DAGLB: variants seen among roughly 807,000 people sequenced by gnomAD.
DAGLB encodes the protein diacylglycerol lipase beta.
DAGLB carries 66 observed loss-of-function variants against 72.1 expected under a neutral mutation model. That is an observed-to-expected ratio of 0.92 (90% CI 0.75 to 1.12). The LOEUF (loss-of-function observed/expected upper bound fraction) is 1.12. Ranked by LOEUF, DAGLB falls within the 50% of genes most tolerant of loss-of-function variation. The pLI, the probability that DAGLB is intolerant of heterozygous loss-of-function variation, is 0.00. For missense variants in DAGLB, 1,065 were observed against 884.9 expected (o/e 1.20, Z -2.58); for synonymous variants, 414 against 359.5 (o/e 1.15, Z -1.71).
At chr7:6,434,570 TG>T (rs1156591240) in intron 4 of DAGLB, among the ~76,000 whole-genome samples, 191 bp downstream of exon 4, 1 of 152,136 alleles carries the variant, frequency 6.6e-6, no homozygotes, top group Admixed American at 6.5e-5. Context: ...ACACAGGGTC[TG>T]AGAAGGTGTG....
chr7:6,414,795 G>A lies in DAGLB; in HGVS notation c.1428-1761C>T, dbSNP rs970530856. On this transcript the variant is annotated intron_variant, in intron 11 of 14. Transcript: ENST00000297056. ...AGGAACCAATATTCCTTGGAGAAACGGTTGATTCCAGATATGGACGATGGA... is the reference window on the plus strand; with the variant it reads ...AGGAACCAATATTCCTTGGAGAAACAGTTGATTCCAGATATGGACGATGGA... Among the ~76,000 whole-genome samples, 13 of 152,110 alleles carry A rather than the reference G, an allele frequency of 8.5e-5. 1 individual carries two copies. The East Asian group carries it at 2.1e-3, about 25-fold the overall frequency.
intron 8 of DAGLB, among the ~76,000 whole-genome samples, chr7:6,424,043 C>A (rs1263665168): frequency 1.3e-5 from 2 of 150,540 alleles, no homozygotes; most frequent in Non-Finnish European, 3.0e-5. Flanking sequence ...AGGGGGGCTA[C>A]CCCAGAGCCA....
chr7:6,432,010 G>GT (rs1784500875), intron 5 of DAGLB, among the ~76,000 whole-genome samples: 1 of 152,062 alleles, frequency 6.6e-6, no homozygotes, highest in Non-Finnish European at 1.5e-5. Context: ...GTTTACCGGT[G>GT]TAACAACCCT....
intron 9 of DAGLB, among the ~76,000 whole-genome samples, chr7:6,421,001 A>C (rs1440516447): frequency 6.6e-6 from 1 of 152,142 alleles, no homozygotes; most frequent in Admixed American, 6.5e-5. Flanking sequence ...ATGAGAATGT[A>C]CTACCTGAAT....
chr7:6,424,710 C>T lies in DAGLB; in HGVS notation c.1140+42G>A, dbSNP rs187256331. Reference sequence around the variant, plus strand: ...CCGAGCAGCTGTGGGCTCCCGCTCCCGCACCCACTCCCAGGGCTGGAAAGT... The same window carrying T: ...CCGAGCAGCTGTGGGCTCCCGCTCCTGCACCCACTCCCAGGGCTGGAAAGT... On this transcript the variant is annotated intron_variant, in intron 8 of 14. Coordinates refer to ENST00000297056, the MANE Select transcript of DAGLB (RefSeq NM_139179.4). 3.4e-4 allele frequency: 541 copies of T among 1,601,068 alleles called. 2 individuals are homozygous for T. In the African/African-American group the frequency reaches 5.6e-3, roughly 17 times the overall value.
At chr7:6,416,359 C>T (rs886698572) in intron 11 of DAGLB, 6 of 298,946 alleles carry the variant, frequency 2.0e-5, no homozygotes, top group Non-Finnish European at 3.7e-5. Flanking sequence ...GCCTGGCCAA[C>T]ATGGTGAAAC....
In DAGLB at chr7:6,434,997, A is replaced by T; in HGVS notation, c.443T>A (p.Val148Glu). 1 of 1,613,740 alleles carries T rather than the reference A, an allele frequency of 6.2e-7. No individual in the cohort carries two copies. The highest frequency in any genetic ancestry group is 8.5e-7 in the Non-Finnish European group (1 of 1,180,016). Residue 148 changes from valine to glutamate, a missense_variant, in exon 4 of 15, where the codon GTG becomes GAG. Val to Glu is a moderately radical substitution (Grantham distance 121, BLOSUM62 -2). Transcript: ENST00000297056. ...GTCAAAGACAATGATAATGGAAACC[A>T]CTGTGGCAGCGATGATGATCCAACT... ...VVSWIIIAAT[V>E]VSIIIVFDPL...
Position 6,410,208 on chromosome 7 carries a change from A to G in DAGLB, c.1742T>C (p.Leu581Pro). The G allele has an allele frequency of 6.2e-7, 1 of 1,608,234 alleles. No homozygotes were observed. The highest frequency in any genetic ancestry group is 8.5e-7 in the Non-Finnish European group (1 of 1,176,916). Residue 581 changes from leucine to proline, a missense_variant, in exon 14 of 15, where the codon CTG (leucine) becomes CCG (proline). Physicochemically the swap from Leu to Pro is moderately conservative, Grantham distance 98. Coordinates refer to ENST00000297056, the MANE Select transcript of DAGLB (RefSeq NM_139179.4). ...AGGGGGGTACTTGGGAGAAGAGTCCAGTGGGGAGTCGCTGGAGAAGCTGTA... is the reference window on the plus strand; with the variant it reads ...AGGGGGGTACTTGGGAGAAGAGTCCGGTGGGGAGTCGCTGGAGAAGCTGTA... ...PAYSFSSDSP[L>P]DSSPKYPPLY...
chr7:6,416,223 ACTTT>A (rs1380165973), intron 11 of DAGLB: 12 of 159,682 alleles, frequency 7.5e-5, no homozygotes, highest in African/African-American at 2.9e-4. Context: ...GGCTAGACAG[ACTTT>A]CTTCTGTGAA....
In DAGLB at chr7:6,409,965, T is replaced by G. The variant is rs373718109; in HGVS notation, c.1891A>C (p.Ile631Leu). 3 of 1,614,020 alleles carry G rather than the reference T, an allele frequency of 1.9e-6. No individual in the cohort carries two copies. The highest frequency in any genetic ancestry group is 2.7e-5 in the African/African-American group (2 of 74,930). ...SHEAEFSKIL[I>L]GPKMLTDHMP... Reference sequence around the variant, plus strand: ...TGGTCGGTGAGCATCTTCGGACCTATGAGTATTTTGCTGAATTCCGCTTCG... The same window carrying G: ...TGGTCGGTGAGCATCTTCGGACCTAGGAGTATTTTGCTGAATTCCGCTTCG... The change falls in exon 15 of 15, where the codon ATA becomes CTA. Residue 631 changes from isoleucine (I) to leucine (L), a missense_variant. Physicochemically the swap from Ile to Leu is conservative, Grantham distance 5. Transcript: ENST00000297056.
At chr7:6,411,547 A>C (rs2689419) in intron 13 of DAGLB, among the ~76,000 whole-genome samples, 3 of 152,156 alleles carry the variant, frequency 2.0e-5, no homozygotes, top group African/African-American at 4.8e-5. Context: ...GGATCAGTTG[A>C]ACTTGGGAGG....
intron 5 of DAGLB, among the ~76,000 whole-genome samples, chr7:6,432,010 G>T (rs1037601823): frequency 1.3e-5 from 2 of 152,062 alleles, no homozygotes. Context: ...GTTTACCGGT[G>T]TAACAACCCT....
intron 1 of DAGLB, among the ~76,000 whole-genome samples, chr7:6,446,811 C>A (rs763387681): frequency 1.8e-4 from 28 of 152,092 alleles, no homozygotes; most frequent in Non-Finnish European, 2.9e-4. Flanking sequence ...GAGTTGGACA[C>A]TAGCCTGGGC....
At position 6,420,072 on chromosome 7, in the gene DAGLB, G is replaced by A. The variant is rs531570591; in HGVS notation, c.1218+1655C>T. 6.6e-5 allele frequency among the ~76,000 whole-genome samples: 10 copies of A among 152,234 alleles called. No homozygotes were observed. In the South Asian group the frequency reaches 2.1e-3, roughly 32 times the overall value. On this transcript the variant is annotated intron_variant, in intron 9 of 14. Transcript: ENST00000297056. ...TGAGGTGGGAAGATCACTTGAACCT[G>A]GGAGATGGAGGCTGCAGTGAGCTAT...
rs138781757 is a variant in DAGLB at position 6,412,832 on chromosome 7, G to C, written c.1548C>G (p.Val516=). ...TTACCTTGGGTTTATTGCAGTGCGC[G>C]ACCACTCGCAAGATTCTTCTCTTCA... ...EDLKRRILRV[V]AHCNKPKYKI... is the part of the protein sequence containing the mutation. Residue 516 remains valine (V), a synonymous_variant, in exon 13 of 15, where the codon GTC becomes GTG. Transcript: ENST00000297056. The C allele has an allele frequency of 6.3e-7, 1 of 1,595,708 alleles. No individual in the cohort carries two copies. Among genetic ancestry groups the C allele is most frequent in the Non-Finnish European group, 8.6e-7 (1 of 1,169,306 alleles).
At chr7:6,446,337 G>A (rs1230145166) in intron 1 of DAGLB, among the ~76,000 whole-genome samples, 2 of 149,702 alleles carry the variant, frequency 1.3e-5, no homozygotes, top group Non-Finnish European at 1.5e-5. Context: ...AAATAGCTGG[G>A]CGTAGTGGTG....
At chr7:6,433,608 G>C (rs932869318) in intron 4 of DAGLB, among the ~76,000 whole-genome samples, 5 of 152,206 alleles carry the variant, frequency 3.3e-5, no homozygotes, top group African/African-American at 1.2e-4. Flanking sequence ...GGGAGGCCGA[G>C]GTGGGCGGAT....
chr7:6,413,431 C>T (rs946867015), intron 11 of DAGLB, among the ~76,000 whole-genome samples: 1 of 152,212 alleles, frequency 6.6e-6, no homozygotes, highest in South Asian at 2.1e-4. Context: ...GAGATTGAAA[C>T]CATCCTGGCT....
intron 13 of DAGLB, among the ~76,000 whole-genome samples, chr7:6,412,037 A>C (rs1024252195): frequency 2.0e-5 from 3 of 151,808 alleles, no homozygotes; most frequent in Non-Finnish European, 4.4e-5. Flanking sequence ...GCCTCAGCCT[A>C]CCAAGTAGCT....
Sources: gnomAD v4.1 joint callset for allele counts (sites outside exome capture counted in the v4.1 genomes callset) on GRCh38, gnomAD v4.1.1 for gene constraint, MANE v1.5 for transcripts, NCBI Gene and HGNC (gene_info 2026-07-23, HGNC 2026-07-21) for gene names.